Variants in C5orf24 observed in about 807,000 individuals in gnomAD.
The protein encoded by C5orf24 is chromosome 5 open reading frame 24.
Under a neutral mutation model 9.8 loss-of-function variants are expected in C5orf24, and 4 were observed. That is an observed-to-expected ratio of 0.41 (90% CI 0.20 to 0.93). The LOEUF (loss-of-function observed/expected upper bound fraction) is 0.93, where lower values mean the gene tolerates loss of function less well. Among genes scored for constraint, C5orf24 ranks in the 40% least tolerant of loss-of-function variants. C5orf24 has a pLI of 0.33. For missense variants in C5orf24, 170 were observed against 236.9 expected (o/e 0.72, Z 1.85); for synonymous variants, 73 against 81.3 (o/e 0.90, Z 0.55).
chr5:134,844,763 G>A (rs1187996352), upstream of C5orf24, among the ~76,000 whole-genome samples: 3 of 151,946 alleles, frequency 2.0e-5, no homozygotes, highest in Admixed American at 6.6e-5. Context: ...TGTTTGAGAC[G>A]GAGTCTCGTT....
Position 134,858,717 on chromosome 5 carries a change from A to G in C5orf24, c.*3250A>G, listed in dbSNP as rs1475157137. 1 of 167,036 alleles carries G rather than the reference A, an allele frequency of 6.0e-6. No individual in the cohort carries two copies. Among genetic ancestry groups the G allele is most frequent in the Non-Finnish European group, 1.5e-5 (1 of 68,088 alleles). The allele number at this position is 167,036 out of a possible 1,614,324, so 10.3% of individuals were successfully genotyped here. A position where few individuals can be genotyped will look rare whatever the true frequency, so the allele number is the denominator to read the frequency against. ...ATGAAATTTTCATTTTTTGACAGAT[A>G]TAACCTTGCATAAGTAGTATTTAGG... On this transcript the variant is annotated 3_prime_UTR_variant, in exon 2 of 2. Coordinates refer to ENST00000394976, the MANE Select transcript of C5orf24 (RefSeq NM_001135586.1).
At chr5:134,848,189 T>C (rs566452274) in intron 1 of C5orf24, among the ~76,000 whole-genome samples, 143 of 152,108 alleles carry the variant, frequency 9.4e-4, no homozygotes, top group African/African-American at 3.1e-3. Flanking sequence ...CTGGCGCCTG[T>C]AGTCCCAGCT....
the C5orf24 span, among the ~76,000 whole-genome samples, chr5:134,836,041 A>G: frequency 3.3e-5 from 5 of 151,846 alleles, no homozygotes; most frequent in African/African-American, 1.2e-4. Context: ...AAAACTCACA[A>G]CCCATATGTG....
At chr5:134,835,712 A>G in the C5orf24 span, among the ~76,000 whole-genome samples, 10 of 152,102 alleles carry the variant, frequency 6.6e-5, no homozygotes, top group Non-Finnish European at 1.5e-4. Context: ...TTACTTTCAG[A>G]GACAGGGTCT....
chr5:134,846,040 G>T lies in C5orf24; in HGVS notation c.-176G>T, dbSNP rs946704778. The stretch of plus-strand genomic sequence containing the variant: ...ACCGTGCGCGGCGGCCGCGGCGGGT[G>T]CTGGGAGCCAGCGCCTGCCTCGCCG... On this transcript the variant is annotated 5_prime_UTR_variant, in exon 1 of 2. Coordinates refer to ENST00000394976, the MANE Select transcript of C5orf24 (RefSeq NM_001135586.1). 2.6e-5 allele frequency: 4 copies of T among 152,376 alleles called. No individual in the cohort carries two copies. The highest frequency in any genetic ancestry group is 5.9e-5 in the Non-Finnish European group (4 of 68,188). 9.4% of individuals were successfully genotyped at this position (152,376 alleles called of 1,614,324 possible). A position where few individuals can be genotyped will look rare whatever the true frequency, so the allele number is the denominator to read the frequency against.
At chr5:134,840,735 G>A (rs561367264), upstream of C5orf24, among the ~76,000 whole-genome samples, 1 of 151,464 alleles carries the variant, frequency 6.6e-6, no homozygotes, top group East Asian at 1.9e-4. Context: ...GTCTCCCTAT[G>A]TTGTTGCCTA....
At position 134,856,998 on chromosome 5, in the gene C5orf24, T is replaced by G. The variant is rs186132693; in HGVS notation, c.*1531T>G. ...TTTTTTTCCCCCAATGATGTTTGCT[T>G]TAGAAGCAAGATAGAAAGGAAAAAA... On this transcript the variant is annotated 3_prime_UTR_variant, in exon 2 of 2. Transcript: ENST00000394976. The G allele has an allele frequency of 1.7e-4, 177 of 1,011,434 alleles. No homozygotes were observed. Among genetic ancestry groups the G allele is most frequent in the Admixed American group, 1.8e-4 (3 of 16,682 alleles). The allele number at this position is 1,011,434 out of a possible 1,614,324, so 62.7% of individuals were successfully genotyped here. A position where few individuals can be genotyped will look rare whatever the true frequency, so the allele number is the denominator to read the frequency against.
chr5:134,836,999 GT>G, the C5orf24 span, among the ~76,000 whole-genome samples: 1 of 151,628 alleles, frequency 6.6e-6, no homozygotes, highest in Non-Finnish European at 1.5e-5. Context: ...TTGAGATGGA[GT>G]TTCACTCTTG....
upstream of C5orf24, among the ~76,000 whole-genome samples, chr5:134,841,918 A>T (rs567254651): frequency 6.6e-6 from 1 of 152,328 alleles, no homozygotes; most frequent in South Asian, 2.1e-4. Context: ...TTATAGAGTC[A>T]AGTGGAATCA....
Position 134,857,152 on chromosome 5 carries a change from T to C in C5orf24, c.*1685T>C. 7.6e-7 allele frequency: 1 copy of C among 1,316,732 alleles called. No individual in the cohort carries two copies. The highest frequency in any genetic ancestry group is 9.8e-7 in the Non-Finnish European group (1 of 1,022,002). The allele number at this position is 1,316,732 out of a possible 1,614,324, so 81.6% of individuals were successfully genotyped here. A position where few individuals can be genotyped will look rare whatever the true frequency, so the allele number is the denominator to read the frequency against. On this transcript the variant is annotated 3_prime_UTR_variant, in exon 2 of 2. Coordinates refer to ENST00000394976, the MANE Select transcript of C5orf24 (RefSeq NM_001135586.1). Reference sequence around the variant, plus strand: ...AAATAAAATATTATAAACTTCAGACTTGAAAAAATTCCACTTAACTTTAAA... The same window carrying C: ...AAATAAAATATTATAAACTTCAGACCTGAAAAAATTCCACTTAACTTTAAA...
the C5orf24 span, among the ~76,000 whole-genome samples, chr5:134,834,819 G>A: frequency 6.6e-6 from 1 of 151,864 alleles, no homozygotes; most frequent in African/African-American, 2.4e-5. Context: ...GGCTGAGGCA[G>A]GCAGATCACA....
At chr5:134,838,849 C>G in the C5orf24 span, among the ~76,000 whole-genome samples, 1 of 151,870 alleles carries the variant, frequency 6.6e-6, no homozygotes, top group African/African-American at 2.4e-5. Context: ...AATACCTATG[C>G]CCTTGAAAAA....
chr5:134,857,231 T>C lies in C5orf24; in HGVS notation c.*1764T>C. The C allele has an allele frequency of 1.1e-5, 14 of 1,325,114 alleles. No individual in the cohort carries two copies. Among genetic ancestry groups the C allele is most frequent in the South Asian group, 2.4e-5 (1 of 41,390 alleles). 82.1% of individuals were successfully genotyped at this position (1,325,114 alleles called of 1,614,324 possible). A position where few individuals can be genotyped will look rare whatever the true frequency, so the allele number is the denominator to read the frequency against. On this transcript the variant is annotated 3_prime_UTR_variant, in exon 2 of 2. Coordinates refer to ENST00000394976, the MANE Select transcript of C5orf24 (RefSeq NM_001135586.1). Reference sequence around the variant, plus strand: ...ATGCCTTTGAGATTAAAATGTAGAATTGCAGGACCCAAAAACTTTTAAAAT... The same window carrying C: ...ATGCCTTTGAGATTAAAATGTAGAACTGCAGGACCCAAAAACTTTTAAAAT...
intron 1 of C5orf24, among the ~76,000 whole-genome samples, chr5:134,849,516 C>T (rs1465526068): frequency 6.6e-6 from 1 of 152,066 alleles, no homozygotes; most frequent in East Asian, 1.9e-4. Flanking sequence ...GAGTAATTCT[C>T]ATATTAAATT....
In C5orf24 at chr5:134,859,286, T is replaced by C. The variant is rs1756388604; in HGVS notation, c.*3819T>C. The C allele has an allele frequency of 6.0e-6, 1 of 167,030 alleles. No homozygotes were observed. The highest frequency in any genetic ancestry group is 1.5e-5 in the Non-Finnish European group (1 of 68,084). 10.3% of individuals were successfully genotyped at this position (167,030 alleles called of 1,614,324 possible). On this transcript the variant is annotated 3_prime_UTR_variant, in exon 2 of 2. Coordinates refer to ENST00000394976, the MANE Select transcript of C5orf24 (RefSeq NM_001135586.1). ...ATTTTTTTCCTTGGACATAAAAAAT[T>C]TTGATGCTATTCTATTTTTGTTTTT...
At position 134,855,629 on chromosome 5, in the gene C5orf24, A is replaced by G; in HGVS notation, c.*162A>G. 6.8e-7 allele frequency: 1 copy of G among 1,474,624 alleles called. No individual in the cohort carries two copies. The highest frequency in any genetic ancestry group is 1.5e-5 in the South Asian group (1 of 68,258). 91.3% of individuals were successfully genotyped at this position (1,474,624 alleles called of 1,614,324 possible). ...TTTGCTCAAAAACTGCCATATGCTG[A>G]CAGATGCACTCAGGGCATGAGCAGC... On this transcript the variant is annotated 3_prime_UTR_variant, in exon 2 of 2. Coordinates refer to ENST00000394976, the MANE Select transcript of C5orf24 (RefSeq NM_001135586.1).
the C5orf24 span, among the ~76,000 whole-genome samples, chr5:134,840,305 CAAA>C: frequency 1.3e-4 from 7 of 53,414 alleles, no homozygotes; most frequent in Admixed American, 4.7e-4. Context: ...GACTGCATCT[CAAA>C]AAAAAAAAAA....
chr5:134,840,588 C>T, the C5orf24 span, among the ~76,000 whole-genome samples: 1 of 152,180 alleles, frequency 6.6e-6, no homozygotes, highest in East Asian at 1.9e-4. Flanking sequence ...ATCTGAAGTA[C>T]AGTCACGTGA....
upstream of C5orf24, among the ~76,000 whole-genome samples, chr5:134,842,883 A>G (rs1407879615): frequency 6.6e-6 from 1 of 152,094 alleles, no homozygotes; most frequent in Non-Finnish European, 1.5e-5. Flanking sequence ...TACTCCACCA[A>G]TTCATGTCTG....
Sources: allele counts gnomAD v4.1 joint callset (sites outside exome capture counted in the v4.1 genomes callset), GRCh38; gene constraint gnomAD v4.1.1; transcripts MANE v1.5; gene names NCBI Gene and HGNC (gene_info 2026-07-23, HGNC 2026-07-21).